Variants in MAP3K14 observed in about 807,000 individuals in gnomAD.
MAP3K14 encodes the protein mitogen-activated protein kinase kinase kinase 14.
Under a neutral mutation model 99.2 loss-of-function variants are expected in MAP3K14, and 16 were observed. The observed-to-expected ratio is 0.16, with a 90% CI of 0.11 to 0.24. The LOEUF is 0.24. MAP3K14 is among the 10% of genes least tolerant of loss of function. The pLI is 1.00. For missense variants in MAP3K14, 784 were observed against 1,208.7 expected, an observed-to-expected ratio of 0.65 and a Z score of 5.21; for synonymous variants, 462 against 492.4, an observed-to-expected ratio of 0.94 and a Z score of 0.82.
rs537000282 is a variant in MAP3K14 at position 45,290,810 on chromosome 17, C to G, written c.-20-45G>C. Reference sequence around the variant, plus strand: ...GAGCAGGTCACTTAGAATCCCAGACCTGGGAGAACACAGGTCAGCCTTGGG... The same window carrying G: ...GAGCAGGTCACTTAGAATCCCAGACGTGGGAGAACACAGGTCAGCCTTGGG... On this transcript the variant is annotated intron_variant, in intron 1 of 15. Transcript: ENST00000344686. The G allele has an allele frequency of 1.0e-5, 16 of 1,579,862 alleles. No homozygotes were observed. In the African/African-American group the frequency reaches 2.2e-4, roughly 21 times the overall value.
rs143567739 is a variant in MAP3K14 at position 45,267,751 on chromosome 17, G to A, written c.1981C>T (p.Leu661=). Residue 661 remains leucine, a synonymous_variant, in exon 12 of 16, where the codon CTG becomes TTG. Coordinates refer to ENST00000344686, the MANE Select transcript of MAP3K14 (RefSeq NM_003954.5). This position sits in a 1 kb window ranked among gnomAD's most constrained non-coding sequence, Gnocchi z 5.1. ...VNRALQQVGG[L]KSPWRGEYKE... is the part of the protein sequence containing the mutation. Reference sequence around the variant, plus strand: ...TATTCTCCCCTCCAAGGGCTCTTCAGACCTCCCACTAGAAAACAGAGAGTA... The same window carrying A: ...TATTCTCCCCTCCAAGGGCTCTTCAAACCTCCCACTAGAAAACAGAGAGTA... 6.2e-7 allele frequency: 1 copy of A among 1,608,990 alleles called. No individual in the cohort carries two copies. The highest frequency in any genetic ancestry group is 2.2e-5 in the East Asian group (1 of 44,870).
intron 11 of MAP3K14, among the ~76,000 whole-genome samples, chr17:45,269,369 A>G (rs947894781): frequency 6.4e-4 from 97 of 152,222 alleles, no homozygotes; most frequent in African/African-American, 2.2e-3. Context: ...TATACATCAT[A>G]ACCCTTATGA....
At position 45,272,657 on chromosome 17, in the gene MAP3K14, C is replaced by T. The variant is rs183266684; in HGVS notation, c.1657+846G>A. On this transcript the variant is annotated intron_variant, in intron 9 of 15. Transcript: ENST00000344686. The surrounding 1 kb of genome is among the most constrained non-coding windows in gnomAD (Gnocchi z 4.1). ...GGAGTTATTTAAAATATTCATGATT[C>T]GGCCGGGCACGGAGGCTCATGCCTG... Among the ~76,000 whole-genome samples, 71 of 152,102 alleles carry T rather than the reference C, an allele frequency of 4.7e-4. 3 individuals are homozygous for T. Among genetic ancestry groups the T allele is most frequent in the Admixed American group, 1.5e-3 (23 of 15,288 alleles).
chr17:45,274,872 T>C (rs542779523), intron 6 of MAP3K14, among the ~76,000 whole-genome samples: 35 of 152,360 alleles, frequency 2.3e-4, no homozygotes, highest in Non-Finnish European at 4.7e-4. Context: ...GCGCAGTGGC[T>C]CATGCCTATA....
chr17:45,287,389 A>G, intron 3 of MAP3K14, 25 bp from the exon 4 acceptor site: 1 of 1,603,318 alleles, frequency 6.2e-7, no homozygotes, highest in Non-Finnish European at 8.5e-7. Context: ...ACAGATTTGC[A>G]TATTGAGCAC....
At chr17:45,299,122 A>G (rs1224061795) in intron 1 of MAP3K14, among the ~76,000 whole-genome samples, 1 of 152,230 alleles carries the variant, frequency 6.6e-6, no homozygotes, top group African/African-American at 2.4e-5. Flanking sequence ...AAGTTCAGCT[A>G]TCAGACCATG....
intron 6 of MAP3K14, among the ~76,000 whole-genome samples, chr17:45,275,060 A>G (rs1048401467): frequency 6.6e-6 from 1 of 151,806 alleles, no homozygotes; most frequent in Admixed American, 6.6e-5. Flanking sequence ...AATGGCGTGA[A>G]CCCAGGAGGC....
chr17:45,288,892 T>C (rs1285328353), intron 3 of MAP3K14, among the ~76,000 whole-genome samples: 3 of 152,106 alleles, frequency 2.0e-5, no homozygotes, highest in Admixed American at 2.0e-4. Flanking sequence ...CAACCCGGCC[T>C]GCGCTCACGG....
At chr17:45,294,607 A>G (rs2044334541) in intron 1 of MAP3K14, among the ~76,000 whole-genome samples, 1 of 152,186 alleles carries the variant, frequency 6.6e-6, no homozygotes. Flanking sequence ...TCCGAGGAAA[A>G]GCTCTCCAAT....
Position 45,267,352 on chromosome 17 carries a change from C to A in MAP3K14, c.2326+54G>T. On this transcript the variant is annotated intron_variant, in intron 12 of 15. Transcript: ENST00000344686. This position sits in a 1 kb window ranked among gnomAD's most constrained non-coding sequence, Gnocchi z 5.1. ...AGGTAAAGAGAAACACCGGCCTCCGCGGGTGGCCCAGGGCCAGTGCTCAGG... is the reference window on the plus strand; with the variant it reads ...AGGTAAAGAGAAACACCGGCCTCCGAGGGTGGCCCAGGGCCAGTGCTCAGG... 2 of 1,511,484 alleles carry A rather than the reference C, an allele frequency of 1.3e-6. No homozygotes were observed. The highest frequency in any genetic ancestry group is 1.2e-5 in the South Asian group (1 of 82,918). 93.6% of individuals were successfully genotyped at this position (1,511,484 alleles called of 1,614,324 possible). A position where few individuals can be genotyped will look rare whatever the true frequency, so the allele number is the denominator to read the frequency against.
intron 6 of MAP3K14, among the ~76,000 whole-genome samples, chr17:45,279,152 G>A (rs1359894755): frequency 6.6e-6 from 1 of 152,062 alleles, no homozygotes; most frequent in African/African-American, 2.4e-5. Context: ...TTTTTGAAAC[G>A]GAGTTTCGCT....
intron 3 of MAP3K14, among the ~76,000 whole-genome samples, chr17:45,287,971 C>T (rs1324669741): frequency 6.6e-6 from 1 of 152,210 alleles, no homozygotes; most frequent in Non-Finnish European, 1.5e-5. Context: ...CCTCGGGGCT[C>T]ATCACTGCCA....
At chr17:45,288,480 C>T (rs1021985195) in intron 3 of MAP3K14, among the ~76,000 whole-genome samples, 13 of 150,600 alleles carry the variant, frequency 8.6e-5, no homozygotes, top group African/African-American at 2.9e-4. Context: ...TGGATTCAAG[C>T]GATTCTCCTG....
intron 11 of MAP3K14, among the ~76,000 whole-genome samples, chr17:45,269,377 T>C (rs941726746): frequency 3.9e-5 from 6 of 152,148 alleles, no homozygotes; most frequent in African/African-American, 1.4e-4. Flanking sequence ...ATAACCCTTA[T>C]GATACTAGTA....
intron 1 of MAP3K14, among the ~76,000 whole-genome samples, chr17:45,309,762 T>G (rs568673568): frequency 7.9e-5 from 12 of 152,272 alleles, no homozygotes; most frequent in Admixed American, 2.6e-4. Flanking sequence ...CTTTCCTAAA[T>G]GCTGACCTAG....
At chr17:45,265,073 T>C in intron 15 of MAP3K14, 90 bp downstream of exon 15, 1 of 1,102,920 alleles carries the variant, frequency 9.1e-7, no homozygotes, top group Non-Finnish European at 1.4e-6. Context: ...AGTGCCATTC[T>C]ACTTCTTTGA....
chr17:45,267,258 G>T lies in MAP3K14; in HGVS notation c.2327-60C>A. On this transcript the variant is annotated intron_variant, in intron 12 of 15. Transcript: ENST00000344686. This position sits in a 1 kb window ranked among gnomAD's most constrained non-coding sequence, Gnocchi z 5.1. ...TGGGAGGAGGCTGGCTGTGTTTTCA[G>T]GGGTTCTTCCTGCACAGTCGGTAGA... is the stretch of plus-strand genomic sequence containing the variant. 1 of 1,413,762 alleles carries T rather than the reference G, an allele frequency of 7.1e-7. No individual in the cohort carries two copies. Among genetic ancestry groups the T allele is most frequent in the Non-Finnish European group, 9.8e-7 (1 of 1,020,792 alleles). 87.6% of individuals were successfully genotyped at this position (1,413,762 alleles called of 1,614,324 possible). A position where few individuals can be genotyped will look rare whatever the true frequency, so the allele number is the denominator to read the frequency against.
intron 1 of MAP3K14, among the ~76,000 whole-genome samples, chr17:45,296,516 G>GA (rs1452890043): frequency 6.6e-6 from 1 of 151,554 alleles, no homozygotes; most frequent in African/African-American, 2.4e-5. Flanking sequence ...ATCTCAAAAG[G>GA]AAAAATAAAG....
intron 1 of MAP3K14, among the ~76,000 whole-genome samples, chr17:45,309,403 A>G (rs1440092491): frequency 6.6e-6 from 1 of 152,190 alleles, no homozygotes; most frequent in Non-Finnish European, 1.5e-5. Flanking sequence ...GCTCCTGACC[A>G]GCACCGGGGT....
Sources: gnomAD v4.1 joint callset for allele counts (sites outside exome capture counted in the v4.1 genomes callset) on GRCh38, gnomAD v4.1.1 for gene constraint, Gnocchi (gnomAD v3.1) non-coding constraint, MANE v1.5 for transcripts, NCBI Gene and HGNC (gene_info 2026-07-23, HGNC 2026-07-21) for gene names.